KAZN: variants seen among roughly 807,000 people sequenced by gnomAD.
KAZN encodes kazrin.
A neutral mutation model predicts 87.4 loss-of-function variants in KAZN; 40 were observed. The observed-to-expected ratio is 0.46, with a 90% confidence interval of 0.36 to 0.60. KAZN has a LOEUF of 0.60. KAZN is among the 20% of genes least tolerant of loss of function. The pLI, the probability that KAZN is intolerant of heterozygous loss-of-function variation, is 0.00. For missense variants in KAZN, 898 were observed against 1,073.9 expected, an observed-to-expected ratio of 0.84 and a Z score of 2.29; for synonymous variants, 466 against 458.3, an observed-to-expected ratio of 1.02 and a Z score of -0.22.
At chr1:14,551,122 G>A (rs976649723) in intron 2 of KAZN, among the ~76,000 whole-genome samples, 8 of 152,064 alleles carry the variant, frequency 5.3e-5, no homozygotes, top group Non-Finnish European at 1.0e-4. Context: ...CAAACGTGAG[G>A]CCCCATAGAT....
At chr1:14,011,803 A>G (rs1020318791) in intron 1 of KAZN, among the ~76,000 whole-genome samples, 5 of 152,320 alleles carry the variant, frequency 3.3e-5, no homozygotes, top group Admixed American at 1.3e-4. Flanking sequence ...TAATACATGT[A>G]TTAATACATG....
At chr1:15,047,497 G>A (rs76081963) in intron 4 of KAZN, among the ~76,000 whole-genome samples, 50 of 152,320 alleles carry the variant, frequency 3.3e-4, no homozygotes, top group East Asian at 3.1e-3. Flanking sequence ...CAGGCCGGGC[G>A]TGGTGTCTCG....
At chr1:14,443,505 A>G (rs1666811273) in intron 2 of KAZN, among the ~76,000 whole-genome samples, 1 of 152,250 alleles carries the variant, frequency 6.6e-6, no homozygotes, top group Admixed American at 6.5e-5. Context: ...GGAGGCCTGC[A>G]GTCATCTGAG....
chr1:14,495,099 G>T (rs1488591275), intron 2 of KAZN, among the ~76,000 whole-genome samples: 5 of 152,188 alleles, frequency 3.3e-5, no homozygotes, highest in Non-Finnish European at 5.9e-5. Context: ...TTTAAACTTG[G>T]AAGGCATTAT....
chr1:14,255,599 G>T (rs1226226294), intron 2 of KAZN, among the ~76,000 whole-genome samples: 1 of 152,132 alleles, frequency 6.6e-6, no homozygotes, highest in Non-Finnish European at 1.5e-5. Context: ...CCATCTACTG[G>T]TCTATGTCAT....
rs376344840 is a variant in KAZN, at chr1:15,112,476, G to A, written c.2098G>A (p.Ala700Thr). 6 of 1,608,860 alleles carry A rather than the reference G, an allele frequency of 3.7e-6. No homozygotes were observed. The highest frequency in any genetic ancestry group is 1.7e-5 in the Admixed American group (1 of 59,282). ...GCGTTTTGGAACGCCCCCTGGCAGG[G>A]CCTCCAGCGTCACGCGGGCAGGAAA... ...AERFGTPPGR[A>T]SSVTRAGKEE... Residue 700 changes from alanine (A) to threonine (T), a missense_variant, in exon 14 of 15, where the codon GCC becomes ACC. Ala to Thr is a moderately conservative substitution (Grantham distance 58). Around this residue, in one of 3 missense-constraint regions of KAZN, gnomAD observed 127 missense variants for 121.5 expected, o/e 1.04. Transcript: ENST00000376030.
intron 1 of KAZN, among the ~76,000 whole-genome samples, chr1:13,974,181 G>T (rs1315009506): frequency 6.6e-6 from 1 of 152,226 alleles, no homozygotes; most frequent in Non-Finnish European, 1.5e-5. Context: ...ATGGGGGCTG[G>T]TTATGTAGAT....
intron 1 of KAZN, among the ~76,000 whole-genome samples, chr1:14,724,454 T>C (rs571108189): frequency 6.6e-6 from 1 of 152,330 alleles, no homozygotes; most frequent in Admixed American, 6.5e-5. Context: ...ATTCCATGAA[T>C]ACAAACAATA....
At chr1:14,330,042 A>G (rs1469678975) in intron 2 of KAZN, among the ~76,000 whole-genome samples, 1 of 152,220 alleles carries the variant, frequency 6.6e-6, no homozygotes, top group Non-Finnish European at 1.5e-5. Context: ...TGCTCAGGGC[A>G]CACTCAAGCT....
intron 2 of KAZN, among the ~76,000 whole-genome samples, chr1:14,499,087 T>A (rs1442870800): frequency 6.6e-6 from 1 of 152,096 alleles, no homozygotes; most frequent in Non-Finnish European, 1.5e-5. Context: ...CCAAGCAGAA[T>A]CCCCAGCAAA....
chr1:15,043,943 G>A, intron 3 of KAZN, 46 bp from the exon 4 acceptor site: 18 of 1,548,856 alleles, frequency 1.2e-5, no homozygotes, highest in Non-Finnish European at 1.6e-5. Flanking sequence ...GCCAGGAGGA[G>A]CCTGGCTGTA....
At chr1:14,675,363 C>G (rs749494858) in intron 1 of KAZN, among the ~76,000 whole-genome samples, 20 of 152,258 alleles carry the variant, frequency 1.3e-4, no homozygotes, top group Non-Finnish European at 2.4e-4. Flanking sequence ...CCTCAGACAT[C>G]TGGTAGGAAA....
chr1:14,401,160 A>G (rs1663375717), intron 2 of KAZN, among the ~76,000 whole-genome samples: 1 of 152,218 alleles, frequency 6.6e-6, no homozygotes, highest in Non-Finnish European at 1.5e-5. Flanking sequence ...ATGACACTTG[A>G]GTGATTTTAA....
At chr1:14,633,995 A>C (rs1403718094) in intron 1 of KAZN, among the ~76,000 whole-genome samples, 2 of 152,040 alleles carry the variant, frequency 1.3e-5, no homozygotes, top group Non-Finnish European at 2.9e-5. Context: ...CCTGGTGCCT[A>C]CCTGTGTTTG....
chr1:14,942,651 C>G (rs58623302), intron 1 of KAZN, among the ~76,000 whole-genome samples: 7,477 of 152,244 alleles, frequency 0.049, 565 homozygotes, highest in African/African-American at 0.17. Context: ...GGCCAGGAGA[C>G]TGTAGTCCTA....
chr1:14,021,014 C>T (rs1405325012), intron 1 of KAZN, among the ~76,000 whole-genome samples: 1 of 152,170 alleles, frequency 6.6e-6, no homozygotes, highest in Non-Finnish European at 1.5e-5. Context: ...TCTAATTAAG[C>T]AAGGTGGTGA....
At position 14,668,318 on chromosome 1, in the gene KAZN, G is replaced by A. The variant is rs1226654697; in HGVS notation, c.226+69095G>A. Among the ~76,000 whole-genome samples the A allele has an allele frequency of 9.2e-5, 14 of 152,242 alleles. 1 individual carries two copies. The highest frequency in any genetic ancestry group is 2.9e-4 in the African/African-American group (12 of 41,532). ...AAGTTTATTGAACTGAACGTCCCTG[G>A]GTGAGTCCATCAGCGGTTCATGGCT... On this transcript the variant is annotated intron_variant, in intron 1 of 14. Coordinates refer to ENST00000376030, the MANE Select transcript of KAZN (RefSeq NM_201628.3).
At chr1:13,994,710 G>A (rs1488878072) in intron 1 of KAZN, among the ~76,000 whole-genome samples, 1 of 152,180 alleles carries the variant, frequency 6.6e-6, no homozygotes, top group Non-Finnish European at 1.5e-5. Context: ...GCAGTGTCCA[G>A]GGAAGGTTTC....
In KAZN at chr1:14,282,239, G is replaced by T. The variant is rs114065932; in HGVS notation, c.249+101647G>T. On this transcript the variant is annotated intron_variant, in intron 2 of 16. Coordinates refer to the KAZN transcript ENST00000636203. ...ACAGGACAGGCACAGAATTTCTGCA[G>T]TCCATGAAATGGAGTCATCCATGCT... 7.8e-3 allele frequency among the ~76,000 whole-genome samples: 1,182 copies of T among 152,268 alleles called. 17 individuals carry two copies. The highest frequency in any genetic ancestry group is 0.027 in the African/African-American group (1,104 of 41,540).
Sources: gnomAD v4.1 joint callset for allele counts (sites outside exome capture counted in the v4.1 genomes callset) on GRCh38, gnomAD v4.1.1 for gene constraint, gnomAD v4.1.1 regional missense constraint, MANE v1.5 for transcripts, NCBI Gene and HGNC (gene_info 2026-07-23, HGNC 2026-07-21) for gene names.